The following CUX1 variants were observed in gnomAD, a reference collection of about 807,000 sequenced individuals.
The protein encoded by CUX1 is cut like homeobox 1.
A neutral mutation model predicts 158.8 loss-of-function variants in CUX1; 31 were observed. The ratio of observed to expected loss-of-function variants is 0.20; its 90% CI spans 0.15 to 0.26. CUX1 has a LOEUF of 0.26. Among genes scored for constraint, CUX1 ranks in the 10% least tolerant of loss-of-function variants. The pLI is 1.00. For missense variants in CUX1, 1,589 were observed against 2,014.6 expected, an observed-to-expected ratio of 0.79 and a Z score of 4.04; for synonymous variants, 879 against 862.1, an observed-to-expected ratio of 1.02 and a Z score of -0.34.
Position 102,253,833 on chromosome 7 carries a change from G to A in CUX1, c.*4791G>A, listed in dbSNP as rs1801784207. On this transcript the variant is annotated 3_prime_UTR_variant, in exon 24 of 24. Coordinates refer to ENST00000292535, the MANE Select transcript of CUX1 (RefSeq NM_181552.4). ...TGGGCGTGCTGGGCTATTTGCTGTG[G>A]TACTTTAGGCTGGAGGTTTGGCTCC... The A allele has an allele frequency of 5.1e-6, 5 of 985,768 alleles. No homozygotes were observed. Among genetic ancestry groups the A allele is most frequent in the Non-Finnish European group, 6.0e-6 (5 of 830,184 alleles). The allele number at this position is 985,768 out of a possible 1,614,324, so 61.1% of individuals were successfully genotyped here.
chr7:102,005,209 G>A (rs1817186470), intron 2 of CUX1, among the ~76,000 whole-genome samples: 1 of 152,166 alleles, frequency 6.6e-6, no homozygotes, highest in Admixed American at 6.5e-5. Flanking sequence ...AGGAATTCTG[G>A]GAAAACTCTA....
chr7:102,184,693 A>G (rs1264882688), intron 11 of CUX1, among the ~76,000 whole-genome samples: 1 of 151,992 alleles, frequency 6.6e-6, no homozygotes, highest in Non-Finnish European at 1.5e-5. Context: ...TTGCCCCAGG[A>G]TGGAGTACAG....
At chr7:101,973,038 T>G (rs1012476818) in intron 2 of CUX1, among the ~76,000 whole-genome samples, 1 of 152,164 alleles carries the variant, frequency 6.6e-6, no homozygotes, top group Non-Finnish European at 1.5e-5. Flanking sequence ...TTTAGAGGGT[T>G]GCTTTTCAGG....
chr7:102,167,995 T>A (rs1791239870), intron 9 of CUX1, among the ~76,000 whole-genome samples: 1 of 151,784 alleles, frequency 6.6e-6, no homozygotes, highest in Non-Finnish European at 1.5e-5. Context: ...GGAGAATCGC[T>A]TGAACCCGGG....
rs548669844 is a variant in CUX1 at position 102,095,262 on chromosome 7, C to T, written c.269-2102C>T. Among the ~76,000 whole-genome samples, 82 of 152,208 alleles carry T rather than the reference C, an allele frequency of 5.4e-4. 1 individual carries two copies. The highest frequency in any genetic ancestry group is 9.4e-4 in the Non-Finnish European group (64 of 68,028). On this transcript the variant is annotated intron_variant, in intron 4 of 23. Coordinates refer to ENST00000292535, the MANE Select transcript of CUX1 (RefSeq NM_181552.4). ...TGAGCTCAAGCAATCCGGCCACCCT[C>T]GGCCTCCCAAAGTGCTGGGATTACA...
rs577394359 is a variant in CUX1, at chr7:102,129,908, C to G, written c.674+14635C>G. ...GAAACAAATTAAAAGAGGTGCCAAA[C>G]AGCCAGGCACCCAGCAAGGATGCCC... On this transcript the variant is annotated intron_variant, in intron 8 of 23. Transcript: ENST00000292535. Among the ~76,000 whole-genome samples, 5 of 152,288 alleles carry G rather than the reference C, an allele frequency of 3.3e-5. No individual in the cohort carries two copies. In the East Asian group the frequency reaches 7.7e-4, roughly 24 times the overall value.
chr7:102,096,024 T>C (rs1554483980), intron 4 of CUX1, among the ~76,000 whole-genome samples: 1 of 152,264 alleles, frequency 6.6e-6, no homozygotes. Flanking sequence ...GTACTGTAAA[T>C]TCCAGGTCTG....
chr7:101,962,818 T>G (rs894388956), intron 2 of CUX1, among the ~76,000 whole-genome samples: 4 of 152,138 alleles, frequency 2.6e-5, no homozygotes, highest in Non-Finnish European at 5.9e-5. Flanking sequence ...ACTCCTGGGC[T>G]CAAGCAATCC....
chr7:102,265,759 T>C (rs1790757423), intron 14 of CUX1, among the ~76,000 whole-genome samples: 1 of 152,146 alleles, frequency 6.6e-6, no homozygotes. Context: ...TCTCTCTGGC[T>C]GCTGCTTGGT....
At chr7:102,055,554 TATA>T in intron 3 of CUX1, among the ~76,000 whole-genome samples, 1 of 152,354 alleles carries the variant, frequency 6.6e-6, no homozygotes, top group Non-Finnish European at 1.5e-5. Flanking sequence ...CTGTGCCCCA[TATA>T]AGATGGCAGA....
intron 6 of CUX1, among the ~76,000 whole-genome samples, chr7:102,107,042 A>G (rs1372040113): frequency 1.3e-5 from 2 of 152,080 alleles, no homozygotes; most frequent in Middle Eastern, 3.4e-3. Flanking sequence ...AGCCTGGGCA[A>G]TATAGAGATA....
At chr7:101,941,390 C>G (rs1213435510) in intron 2 of CUX1, among the ~76,000 whole-genome samples, 1 of 152,318 alleles carries the variant, frequency 6.6e-6, no homozygotes, top group East Asian at 1.9e-4. Context: ...GTCTGCTTAG[C>G]GGTAGCTGGA....
intron 14 of CUX1, among the ~76,000 whole-genome samples, chr7:102,267,556 CAG>C (rs1448710464): frequency 3.3e-5 from 5 of 152,140 alleles, no homozygotes; most frequent in Non-Finnish European, 2.9e-5. Context: ...AATAAAAAGA[CAG>C]GGGCCCCTCG....
chr7:102,106,246 C>G (rs1335011942), intron 6 of CUX1, among the ~76,000 whole-genome samples: 1 of 151,930 alleles, frequency 6.6e-6, no homozygotes, highest in African/African-American at 2.4e-5. Flanking sequence ...CACGCCACCA[C>G]GCCCAGCTAA....
At position 102,249,751 on chromosome 7, in the gene CUX1, GCA is replaced by G; in HGVS notation, c.*712_*713del. The G allele has an allele frequency of 1.0e-6, 1 of 978,838 alleles. No individual in the cohort carries two copies. The highest frequency in any genetic ancestry group is 1.2e-6 in the Non-Finnish European group (1 of 824,272). The allele number at this position is 978,838 out of a possible 1,614,324, so 60.6% of individuals were successfully genotyped here. ...GCTGTTCAGTTGCCACTAAGAGATT[GCA>G]CAGTCAAAACGACTCTAAACACACT... is the stretch of plus-strand genomic sequence containing the variant. On this transcript the variant is annotated 3_prime_UTR_variant, in exon 24 of 24. Coordinates refer to ENST00000292535, the MANE Select transcript of CUX1 (RefSeq NM_181552.4).
chr7:101,949,277 G>A (rs578202594), intron 2 of CUX1, among the ~76,000 whole-genome samples: 32 of 150,990 alleles, frequency 2.1e-4, no homozygotes, highest in South Asian at 4.2e-4. Context: ...GACTACAGGC[G>A]CCCGCCACCA....
chr7:102,200,432 T>C (rs1795293400), intron 17 of CUX1, among the ~76,000 whole-genome samples: 1 of 152,208 alleles, frequency 6.6e-6, no homozygotes, highest in Non-Finnish European at 1.5e-5. Context: ...AACCTCTGCC[T>C]CCCGGGTTTA....
At chr7:101,974,181 C>G (rs143684569) in intron 2 of CUX1, among the ~76,000 whole-genome samples, 1 of 151,946 alleles carries the variant, frequency 6.6e-6, no homozygotes, top group Admixed American at 6.6e-5. Flanking sequence ...ATGCTCTCAC[C>G]TCAGCCTCCC....
chr7:102,240,300 G>T (rs1800055994), intron 23 of CUX1, among the ~76,000 whole-genome samples: 1 of 152,244 alleles, frequency 6.6e-6, no homozygotes, highest in East Asian at 1.9e-4. Context: ...ACAAGGGCTT[G>T]CTCTGTCACC....
Sources: allele counts gnomAD v4.1 joint callset (sites outside exome capture counted in the v4.1 genomes callset), GRCh38; gene constraint gnomAD v4.1.1; transcripts MANE v1.5; gene names NCBI Gene and HGNC (gene_info 2026-07-23, HGNC 2026-07-21).